Variants in AP2B1 observed in about 807,000 individuals in gnomAD.
AP2B1 encodes the protein AP-2 complex subunit beta.
A neutral mutation model predicts 102.0 loss-of-function variants in AP2B1; 23 were observed. The ratio of observed to expected loss-of-function variants is 0.23; its 90% CI spans 0.16 to 0.32. AP2B1 has a LOEUF of 0.32. AP2B1 is among the 10% of genes least tolerant of loss of function. The pLI is 1.00. For synonymous variants in AP2B1, 381 were observed against 421.2 expected (o/e 0.90, Z 1.17); for missense variants, 541 against 1,157.4 (o/e 0.47, Z 7.73).
rs186525274 is a variant in AP2B1, at chr17:35,588,278, G to T, written c.-24+850G>T. Among the ~76,000 whole-genome samples the T allele has an allele frequency of 2.2e-4, 33 of 152,116 alleles. 1 individual carries two copies. Among genetic ancestry groups the T allele is most frequent in the Admixed American group, 2.0e-3 (31 of 15,294 alleles). On this transcript the variant is annotated intron_variant, in intron 1 of 21. Transcript: ENST00000610402. ...AGGCCTTTATTGAACTCACGCGGAT[G>T]CTTCATTAAACTTTTGACTTTTATT...
intron 5 of AP2B1, among the ~76,000 whole-genome samples, chr17:35,612,091 G>A (rs2073882682): frequency 6.6e-6 from 1 of 152,130 alleles, no homozygotes; most frequent in Admixed American, 6.5e-5. Flanking sequence ...CCTAGAGCAG[G>A]GTGTCAGCAT....
chr17:35,624,385 C>A lies in AP2B1; in HGVS notation c.526-12C>A. The A allele has an allele frequency of 1.1e-5, 18 of 1,613,608 alleles. No individual in the cohort carries two copies. The highest frequency in any genetic ancestry group is 1.5e-5 in the Non-Finnish European group (18 of 1,179,854). On this transcript the variant is annotated splice_polypyrimidine_tract_variant and intron_variant, in intron 5 of 21. Coordinates refer to ENST00000610402, the MANE Select transcript of AP2B1 (RefSeq NM_001030006.2). ...TCTTGGTGAATCAAGGTCATACCCCCTTCTTTTCCAGGTGGTGGCTAATGC... is the reference window on the plus strand; with the variant it reads ...TCTTGGTGAATCAAGGTCATACCCCATTCTTTTCCAGGTGGTGGCTAATGC...
chr17:35,624,927 G>A (rs1021081594), intron 6 of AP2B1, among the ~76,000 whole-genome samples: 1 of 152,054 alleles, frequency 6.6e-6, no homozygotes, highest in African/African-American at 2.4e-5. Flanking sequence ...TAGATATATA[G>A]AAAGTGGCTT....
At chr17:35,638,915 G>A (rs2074689698) in intron 10 of AP2B1, among the ~76,000 whole-genome samples, 1 of 152,120 alleles carries the variant, frequency 6.6e-6, no homozygotes, top group Non-Finnish European at 1.5e-5. Context: ...AAAATAAAGT[G>A]GAATTTCTGT....
chr17:35,642,086 T>C (rs1335988201), intron 12 of AP2B1, 111 bp downstream of exon 12: 2 of 723,514 alleles, frequency 2.8e-6, no homozygotes, highest in Admixed American at 2.2e-5. Flanking sequence ...GAAGGAAGTA[T>C]GGCCTTTAGA....
At chr17:35,705,613 C>T (rs2076325481) in intron 18 of AP2B1, among the ~76,000 whole-genome samples, 1 of 152,118 alleles carries the variant, frequency 6.6e-6, no homozygotes, top group African/African-American at 2.4e-5. Flanking sequence ...CCTCTGCCTC[C>T]TGGGTTCAAC....
At chr17:35,668,665 C>T (rs1456859271) in intron 14 of AP2B1, among the ~76,000 whole-genome samples, 2 of 152,124 alleles carry the variant, frequency 1.3e-5, no homozygotes, top group African/African-American at 4.8e-5. Context: ...TTTTAAAACA[C>T]ATATCAACCC....
chr17:35,612,740 C>T (rs2073899299), intron 5 of AP2B1, among the ~76,000 whole-genome samples: 1 of 152,082 alleles, frequency 6.6e-6, no homozygotes, highest in South Asian at 2.1e-4. Flanking sequence ...GAGTCCCAGA[C>T]TCCATTGCTG....
intron 14 of AP2B1, among the ~76,000 whole-genome samples, chr17:35,665,336 G>A (rs1362648720): frequency 6.6e-6 from 1 of 151,920 alleles, no homozygotes; most frequent in Non-Finnish European, 1.5e-5. Context: ...ATGTTATTCA[G>A]GCTGGTCTTG....
chr17:35,649,357 C>T (rs1482974184), intron 12 of AP2B1, among the ~76,000 whole-genome samples: 3 of 152,170 alleles, frequency 2.0e-5, no homozygotes, highest in African/African-American at 4.8e-5. Flanking sequence ...CAACCTCCGC[C>T]TCCCGGGTTC....
At chr17:35,679,191 C>T (rs1308406605) in intron 17 of AP2B1, among the ~76,000 whole-genome samples, 1 of 152,090 alleles carries the variant, frequency 6.6e-6, no homozygotes, top group African/African-American at 2.4e-5. Flanking sequence ...TCCTCAAGAA[C>T]GTTTCCTTCT....
intron 12 of AP2B1, among the ~76,000 whole-genome samples, chr17:35,647,780 G>A (rs957779077): frequency 7.2e-5 from 11 of 152,208 alleles, no homozygotes; most frequent in Admixed American, 3.9e-4. Flanking sequence ...TGGCTAAATC[G>A]TGAATCAATT....
rs750063491 is a variant in AP2B1 at position 35,674,223 on chromosome 17, A to G, written c.2226A>G (p.Thr742=). The G allele has an allele frequency of 1.1e-5, 17 of 1,614,072 alleles. No homozygotes were observed. In the Admixed American group the frequency reaches 2.2e-4, roughly 21 times the overall value. Residue 742 remains threonine (T), a synonymous_variant, in exon 17 of 22, where the codon ACA becomes ACG. Coordinates refer to ENST00000610402, the MANE Select transcript of AP2B1 (RefSeq NM_001030006.2). Reference sequence around the variant, plus strand: ...CTAAAGGCTTGGAGATTTCCGGAACATTTACTCACCGCCAAGGGCACATCT... The same window carrying G: ...CTAAAGGCTTGGAGATTTCCGGAACGTTTACTCACCGCCAAGGGCACATCT... The part of the protein sequence containing the change: ...VKAKGLEISG[T]FTHRQGHIYM...
intron 18 of AP2B1, among the ~76,000 whole-genome samples, chr17:35,689,083 G>A (rs1357406033): frequency 6.6e-6 from 1 of 152,166 alleles, no homozygotes; most frequent in Non-Finnish European, 1.5e-5. Flanking sequence ...ATTATCCATG[G>A]TTAATATCAT....
Position 35,676,139 on chromosome 17 carries a change from T to C in AP2B1, c.2324+1818T>C, listed in dbSNP as rs116163269. 8.5e-3 allele frequency among the ~76,000 whole-genome samples: 1,293 copies of C among 152,340 alleles called. 11 individuals carry two copies. The highest frequency in any genetic ancestry group is 0.026 in the African/African-American group (1,071 of 41,578). On this transcript the variant is annotated intron_variant, in intron 17 of 21. Coordinates refer to ENST00000610402, the MANE Select transcript of AP2B1 (RefSeq NM_001030006.2). ...GTCTCAATCTTGCTGATTCTACCTGTAAATTGGAGGCAGATTATAGATTTA... is the reference window on the plus strand; with the variant it reads ...GTCTCAATCTTGCTGATTCTACCTGCAAATTGGAGGCAGATTATAGATTTA...
At chr17:35,722,380 C>T (rs958777594) in intron 21 of AP2B1, among the ~76,000 whole-genome samples, 3 of 152,120 alleles carry the variant, frequency 2.0e-5, no homozygotes, top group Admixed American at 6.5e-5. Context: ...GTTTTTTTTA[C>T]ATTTATCAGA....
intron 18 of AP2B1, among the ~76,000 whole-genome samples, chr17:35,704,548 G>C (rs1470728268): frequency 6.6e-6 from 1 of 152,166 alleles, no homozygotes; most frequent in Non-Finnish European, 1.5e-5. Context: ...CTCCACTCAA[G>C]GAGCTCATTG....
intron 7 of AP2B1, among the ~76,000 whole-genome samples, chr17:35,627,180 A>G (rs2074337574): frequency 6.6e-6 from 1 of 151,998 alleles, no homozygotes; most frequent in African/African-American, 2.4e-5. Flanking sequence ...CTGATGCTTA[A>G]AAAGGATAAA....
chr17:35,629,548 T>A (rs2074406584), intron 9 of AP2B1, among the ~76,000 whole-genome samples: 1 of 152,248 alleles, frequency 6.6e-6, no homozygotes, highest in Admixed American at 6.5e-5. Context: ...TTCGTTTTTT[T>A]GTTTCTGCAC....
Sources: gnomAD v4.1 joint callset for allele counts (sites outside exome capture counted in the v4.1 genomes callset) on GRCh38, gnomAD v4.1.1 for gene constraint, MANE v1.5 for transcripts, NCBI Gene and HGNC (gene_info 2026-07-23, HGNC 2026-07-21) for gene names.